LAPTM5: variants seen among roughly 807,000 people sequenced by gnomAD.
LAPTM5 encodes the protein lysosomal protein transmembrane 5.
Under a neutral mutation model 30.1 loss-of-function variants are expected in LAPTM5, and 11 were observed. That is an observed-to-expected ratio of 0.37 (90% CI 0.23 to 0.60). LAPTM5 has a LOEUF of 0.60. Among genes scored for constraint, LAPTM5 ranks in the 20% least tolerant of loss-of-function variants. LAPTM5 has a pLI of 0.71. For synonymous variants in LAPTM5, 151 were observed against 137.9 expected (o/e 1.10, Z -0.67); for missense variants, 324 against 332.5 (o/e 0.97, Z 0.20).
At chr1:30,737,540 G>T in intron 6 of LAPTM5, 64 bp downstream of exon 6, 1 of 1,200,200 alleles carries the variant, frequency 8.3e-7, no homozygotes, top group Non-Finnish European at 1.2e-6. Flanking sequence ...CTTGGCATGG[G>T]CAGGCCTGGG....
At chr1:30,749,350 G>A (rs926619460) in intron 1 of LAPTM5, among the ~76,000 whole-genome samples, 10 of 152,166 alleles carry the variant, frequency 6.6e-5, no homozygotes, top group South Asian at 4.1e-4. Context: ...GTGGCGAGGC[G>A]GGGGCTCTAG....
At chr1:30,738,913 G>A (rs1639927085) in intron 5 of LAPTM5, 27 bp downstream of exon 5, 3 of 1,584,976 alleles carry the variant, frequency 1.9e-6, no homozygotes, top group Non-Finnish European at 2.6e-6. Flanking sequence ...GCCAGCAAAT[G>A]GGCATGGTTC....
chr1:30,742,410 C>T (rs759679492), intron 2 of LAPTM5, 46 bp downstream of exon 2: 3 of 1,421,496 alleles, frequency 2.1e-6, no homozygotes, highest in Non-Finnish European at 9.8e-7. Flanking sequence ...CAGGGCCCTC[C>T]CTGTCCTCCT....
chr1:30,734,021 G>C, intron 7 of LAPTM5, 104 bp from the exon 8 acceptor site: 3 of 1,217,618 alleles, frequency 2.5e-6, no homozygotes, highest in Non-Finnish European at 3.5e-6. Flanking sequence ...AAATGATGAT[G>C]ATAATGACTG....
intron 1 of LAPTM5, among the ~76,000 whole-genome samples, chr1:30,747,075 G>T (rs899723854): frequency 6.6e-6 from 1 of 152,200 alleles, no homozygotes; most frequent in Non-Finnish European, 1.5e-5. Flanking sequence ...CAGAGGACAC[G>T]CATGGGGCTT....
chr1:30,748,911 C>T (rs2124193994), intron 1 of LAPTM5, among the ~76,000 whole-genome samples: 1 of 152,360 alleles, frequency 6.6e-6, no homozygotes, highest in South Asian at 2.1e-4. Flanking sequence ...TGTAACATTT[C>T]CTCATCTGTA....
At chr1:30,742,636 A>G in intron 1 of LAPTM5, 87 bp from the exon 2 acceptor site, 1 of 1,066,230 alleles carries the variant, frequency 9.4e-7, no homozygotes, top group Non-Finnish European at 1.4e-6. Context: ...TACAGCAGGG[A>G]AGCCAGTAGT....
chr1:30,738,803 T>C, intron 5 of LAPTM5, 137 bp downstream of exon 5: 1 of 973,726 alleles, frequency 1.0e-6, no homozygotes, highest in Non-Finnish European at 1.5e-6. Context: ...CCTCAATAAA[T>C]CACCAGCACA....
intron 1 of LAPTM5, among the ~76,000 whole-genome samples, chr1:30,755,104 G>A (rs1443713153): frequency 5.3e-5 from 8 of 152,260 alleles, no homozygotes; most frequent in East Asian, 3.9e-4. Flanking sequence ...AACCTGGGCC[G>A]AGCGCACAGC....
intron 1 of LAPTM5, among the ~76,000 whole-genome samples, chr1:30,754,784 C>T (rs1640186910): frequency 6.6e-6 from 1 of 152,188 alleles, no homozygotes; most frequent in African/African-American, 2.4e-5. Context: ...TAGAGCGTGG[C>T]ACTGTCTCAG....
chr1:30,741,587 T>G, intron 3 of LAPTM5, 53 bp downstream of exon 3: 32 of 1,373,722 alleles, frequency 2.3e-5, no homozygotes, highest in East Asian at 5.1e-5. Flanking sequence ...CCACCACCAG[T>G]GGGTGTGAAT....
chr1:30,755,055 C>T lies in LAPTM5; in HGVS notation c.87+2604G>A, dbSNP rs566117625. On this transcript the variant is annotated intron_variant, in intron 1 of 7. Transcript: ENST00000294507. The stretch of plus-strand genomic sequence containing the variant: ...ACTCTTTCGGGGTGCAGGAAGATAA[C>T]CCCCCACTGGAGTCAACTGAGGACC... 3.3e-5 allele frequency among the ~76,000 whole-genome samples: 5 copies of T among 152,284 alleles called. No individual in the cohort carries two copies. The South Asian group carries it at 1.0e-3, about 32-fold the overall frequency.
At chr1:30,747,262 G>A (rs553493250) in intron 1 of LAPTM5, among the ~76,000 whole-genome samples, 1 of 152,334 alleles carries the variant, frequency 6.6e-6, no homozygotes, top group South Asian at 2.1e-4. Flanking sequence ...TGGTGGTGCA[G>A]GTGTGTTTCA....
chr1:30,739,125 C>T lies in LAPTM5; in HGVS notation c.388-63G>A, dbSNP rs779869048. ...AGCAATTAAAGTCCCAGTTACTGAG[C>T]GGCACATAGTAGGCCCTCACTTGAG... On this transcript the variant is annotated intron_variant, in intron 4 of 7. Coordinates refer to ENST00000294507, the MANE Select transcript of LAPTM5 (RefSeq NM_006762.3). The surrounding 1 kb of genome is among the most constrained non-coding windows in gnomAD (Gnocchi z 4.2). 1.2e-5 allele frequency: 19 copies of T among 1,539,522 alleles called. No homozygotes were observed. The highest frequency in any genetic ancestry group is 4.9e-5 in the East Asian group (2 of 40,638).
Position 30,748,705 on chromosome 1 carries a change from C to T in LAPTM5, c.88-6156G>A, listed in dbSNP as rs190155852. 6.7e-3 allele frequency among the ~76,000 whole-genome samples: 1,019 copies of T among 152,352 alleles called. 10 individuals are homozygous for T. The highest frequency in any genetic ancestry group is 0.014 in the Middle Eastern group (4 of 294). The stretch of plus-strand genomic sequence containing the variant: ...TGGGGCCACGCACTCCGCAGCAGCC[C>T]GGCCTGGCTGCCTGCAGCTCCCCAG... On this transcript the variant is annotated intron_variant, in intron 1 of 7. Transcript: ENST00000294507.
chr1:30,753,688 G>A (rs866903768), intron 1 of LAPTM5, among the ~76,000 whole-genome samples: 2 of 152,152 alleles, frequency 1.3e-5, no homozygotes, highest in Admixed American at 6.5e-5. Context: ...AATGTAACGC[G>A]GCATCCTGGA....
rs940571725 is a variant in LAPTM5 at position 30,742,437 on chromosome 1, C to T, written c.181+19G>A. On this transcript the variant is annotated intron_variant, in intron 2 of 7. Coordinates refer to ENST00000294507, the MANE Select transcript of LAPTM5 (RefSeq NM_006762.3). ...TGTCCTCCTCCCCCCGCCACTCCAC[C>T]GGCGTCCCCTGGACCTACCGATCCT... is the stretch of plus-strand genomic sequence containing the variant. The T allele has an allele frequency of 1.0e-5, 16 of 1,593,722 alleles. No individual in the cohort carries two copies. The highest frequency in any genetic ancestry group is 1.7e-4 in the Middle Eastern group (1 of 6,024).
At chr1:30,751,935 G>A (rs1200302164) in intron 1 of LAPTM5, among the ~76,000 whole-genome samples, 1 of 152,210 alleles carries the variant, frequency 6.6e-6, no homozygotes, top group Non-Finnish European at 1.5e-5. Context: ...CACACTGCTG[G>A]TAAGTAATGG....
intron 1 of LAPTM5, among the ~76,000 whole-genome samples, chr1:30,749,421 C>T (rs542645064): frequency 1.3e-4 from 20 of 152,276 alleles, no homozygotes; most frequent in Middle Eastern, 3.4e-3. Flanking sequence ...GTGTGTTCAC[C>T]TTGTAGAAGC....
Sources: gnomAD v4.1 joint callset for allele counts (sites outside exome capture counted in the v4.1 genomes callset) on GRCh38, gnomAD v4.1.1 for gene constraint, Gnocchi (gnomAD v3.1) non-coding constraint, MANE v1.5 for transcripts, NCBI Gene and HGNC (gene_info 2026-07-23, HGNC 2026-07-21) for gene names.